Variants in TENM2 observed in about 807,000 individuals in gnomAD.
The protein encoded by TENM2 is teneurin transmembrane protein 2.
TENM2 carries 52 observed loss-of-function variants against 245.2 expected under a neutral mutation model. That is an observed-to-expected ratio of 0.21 (90% confidence interval 0.17 to 0.27). The LOEUF (loss-of-function observed/expected upper bound fraction) is 0.27, where lower values mean the gene tolerates loss of function less well. Among genes scored for constraint, TENM2 ranks in the 10% least tolerant of loss-of-function variants. The pLI is 1.00. For missense variants in TENM2, 3,046 were observed against 3,666.8 expected (o/e 0.83, Z 4.37); for synonymous variants, 1,363 against 1,438.9 (o/e 0.95, Z 1.19).
At chr5:167,263,770 A>G in the TENM2 span, among the ~76,000 whole-genome samples, 1 of 151,992 alleles carries the variant, frequency 6.6e-6, no homozygotes, top group South Asian at 2.1e-4. Flanking sequence ...CCACATCTAT[A>G]GTAGCTGGGA....
intron 2 of TENM2, among the ~76,000 whole-genome samples, chr5:167,390,815 G>A (rs1761707768): frequency 6.6e-6 from 1 of 152,170 alleles, no homozygotes; most frequent in Non-Finnish European, 1.5e-5. Flanking sequence ...ACACATTTAT[G>A]GCTATGAACA....
intron 1 of TENM2, among the ~76,000 whole-genome samples, chr5:167,295,169 G>GA (rs1246498304): frequency 2.6e-5 from 4 of 152,154 alleles, no homozygotes; most frequent in Non-Finnish European, 5.9e-5. Flanking sequence ...GTTCTAATGA[G>GA]AAAAATGGAA....
intron 9 of TENM2, among the ~76,000 whole-genome samples, chr5:168,102,746 C>T (rs1793923072): frequency 6.6e-6 from 1 of 152,202 alleles, no homozygotes; most frequent in African/African-American, 2.4e-5. Context: ...GAATTTATTT[C>T]TGAAATGTTA....
chr5:168,234,636 C>G (rs1194105887), intron 25 of TENM2, among the ~76,000 whole-genome samples: 1 of 152,138 alleles, frequency 6.6e-6, no homozygotes, highest in Non-Finnish European at 1.5e-5. Flanking sequence ...AGCCTTTTTT[C>G]TAGGCTTTTG....
chr5:167,860,017 G>A (rs1430080680), intron 2 of TENM2, among the ~76,000 whole-genome samples: 49 of 54,478 alleles, frequency 9.0e-4, no homozygotes, highest in African/African-American at 1.5e-3. Context: ...GGGGGGGGTC[G>A]GCCCCCCTGC....
chr5:167,869,485 G>T (rs931188633), intron 2 of TENM2, among the ~76,000 whole-genome samples: 1 of 152,248 alleles, frequency 6.6e-6, no homozygotes, highest in Non-Finnish European at 1.5e-5. Context: ...TGGGTGATAA[G>T]TGTGGAAGGG....
In TENM2 at chr5:168,248,846, G is replaced by A. The variant is rs115938224; in HGVS notation, c.7432+475G>A. On this transcript the variant is annotated intron_variant, in intron 27 of 28. Coordinates refer to ENST00000518659, the Ensembl canonical transcript of TENM2. ...TAAATGAACACAGCTGGGCATGGTGGCTCATGCCACCCACGTAATCCCAGC... is the reference window on the plus strand; with the variant it reads ...TAAATGAACACAGCTGGGCATGGTGACTCATGCCACCCACGTAATCCCAGC... 4.7e-3 allele frequency among the ~76,000 whole-genome samples: 716 copies of A among 152,332 alleles called. 7 individuals carry two copies. The highest frequency in any genetic ancestry group is 0.016 in the African/African-American group (681 of 41,566).
chr5:167,878,976 C>T (rs1018319692), intron 3 of TENM2, among the ~76,000 whole-genome samples: 2 of 152,142 alleles, frequency 1.3e-5, no homozygotes, highest in Non-Finnish European at 2.9e-5. Context: ...AGCCCATACA[C>T]GACAGTAAAA....
intron 2 of TENM2, among the ~76,000 whole-genome samples, chr5:167,519,088 AC>A (rs1305304013): frequency 6.6e-6 from 1 of 152,056 alleles, no homozygotes; most frequent in African/African-American, 2.4e-5. Flanking sequence ...CATAATGTTT[AC>A]CCCTTTACTA....
chr5:168,258,977 G>A (rs975092555), intron 27 of TENM2, among the ~76,000 whole-genome samples: 7 of 151,948 alleles, frequency 4.6e-5, no homozygotes, highest in Admixed American at 1.3e-4. Context: ...GAGGTTAGGA[G>A]TTGGAGACCA....
rs1307547082 is a variant in TENM2 at position 167,876,152 on chromosome 5, C to G, written c.669C>G (p.Tyr223Ter). The G allele has an allele frequency of 6.4e-7, 1 of 1,551,608 alleles. No individual in the cohort carries two copies. Among genetic ancestry groups the G allele is most frequent in the Non-Finnish European group, 8.7e-7 (1 of 1,146,984 alleles). The change falls in exon 3 of 29, where the codon TAC (tyrosine) becomes TAG (stop). Residue 223 changes from tyrosine to a stop codon, truncating the protein, a stop_gained. Transcript: ENST00000518659. LOFTEE classifies it high-confidence loss of function. ...ATGAGGAATTCTCCCCCAATTCATA[C>G]CTGCTCAGAGCATGCTCAGGGCCCC...
the TENM2 span, among the ~76,000 whole-genome samples, chr5:167,123,234 C>CGAGGCA: frequency 6.6e-6 from 1 of 152,056 alleles, no homozygotes; most frequent in African/African-American, 2.4e-5. Flanking sequence ...CGCTTGAACC[C>CGAGGCA]GAGGCAGAGG....
chr5:167,365,578 G>A (rs1760000510), intron 1 of TENM2, among the ~76,000 whole-genome samples: 1 of 151,760 alleles, frequency 6.6e-6, no homozygotes, highest in Non-Finnish European at 1.5e-5. Flanking sequence ...TACTGTTAGA[G>A]ATTTACACAT....
chr5:167,287,698 C>G (rs937260973), intron 1 of TENM2: 1 of 152,150 alleles, frequency 6.6e-6, no homozygotes, highest in Non-Finnish European at 1.5e-5. Context: ...TACGGAAGCT[C>G]GGTCAAATTG....
chr5:167,486,313 T>A (rs1450835942), intron 2 of TENM2, among the ~76,000 whole-genome samples: 1 of 151,702 alleles, frequency 6.6e-6, no homozygotes, highest in Non-Finnish European at 1.5e-5. Flanking sequence ...TTTTTGCCAT[T>A]TCTTTTTCTT....
chr5:167,222,345 C>T, the TENM2 span, among the ~76,000 whole-genome samples: 1 of 152,162 alleles, frequency 6.6e-6, no homozygotes, highest in Non-Finnish European at 1.5e-5. Context: ...GTCAGAAGTA[C>T]TATCTATAGA....
chr5:167,876,998 G>A (rs754344127), intron 3 of TENM2, among the ~76,000 whole-genome samples: 2 of 152,154 alleles, frequency 1.3e-5, no homozygotes, highest in Non-Finnish European at 2.9e-5. Flanking sequence ...TCCTGTTGGT[G>A]TTATGTTCCT....
chr5:167,965,098 T>A (rs1781293169), intron 4 of TENM2: 1 of 152,096 alleles, frequency 6.6e-6, no homozygotes, highest in Admixed American at 6.6e-5. Flanking sequence ...TTCAAAGATG[T>A]GAGGTATAGT....
intron 27 of TENM2, among the ~76,000 whole-genome samples, chr5:168,258,510 C>A (rs1215098952): frequency 6.6e-6 from 1 of 151,776 alleles, no homozygotes; most frequent in African/African-American, 2.4e-5. Flanking sequence ...CAAAAAAAAA[C>A]CAAAAAGTGG....
Sources: gnomAD v4.1 joint callset for allele counts (sites outside exome capture counted in the v4.1 genomes callset) on GRCh38, gnomAD v4.1.1 for gene constraint, MANE v1.5 for transcripts, NCBI Gene and HGNC (gene_info 2026-07-23, HGNC 2026-07-21) for gene names.